BBX: variants seen among roughly 807,000 people sequenced by gnomAD.
BBX encodes the protein BBX high mobility group box domain containing.
BBX carries 30 observed loss-of-function variants against 100.2 expected under a neutral mutation model. The ratio of observed to expected loss-of-function variants is 0.30; its 90% CI spans 0.22 to 0.41. The LOEUF is 0.41. BBX is among the 10% of genes least tolerant of loss of function. BBX has a pLI of 1.00. For missense variants in BBX, 1,023 were observed against 1,129.8 expected (o/e 0.91, Z 1.35); for synonymous variants, 376 against 388.1 (o/e 0.97, Z 0.37).
At chr3:107,674,314 C>T (rs1231036319) in intron 3 of BBX, among the ~76,000 whole-genome samples, 1 of 152,070 alleles carries the variant, frequency 6.6e-6, no homozygotes, top group African/African-American at 2.4e-5. Context: ...TTCTAACACA[C>T]ACATTGTAGG....
At chr3:107,598,522 A>G (rs1425210647) in intron 2 of BBX, among the ~76,000 whole-genome samples, 1 of 152,252 alleles carries the variant, frequency 6.6e-6, no homozygotes, top group African/African-American at 2.4e-5. Context: ...ACAATTGGCC[A>G]CAGTAAGATT....
In BBX at chr3:107,691,921, C is replaced by T. The variant is rs1024432241; in HGVS notation, c.-9-18531C>T. Among the ~76,000 whole-genome samples the T allele has an allele frequency of 2.6e-5, 4 of 152,064 alleles. No individual in the cohort carries two copies. The East Asian group carries it at 7.7e-4, about 29-fold the overall frequency. On this transcript the variant is annotated intron_variant, in intron 3 of 17. Coordinates refer to ENST00000325805, the MANE Select transcript of BBX (RefSeq NM_001142568.3). ...ATAAGAAATACGTATTCTTTTTTTG[C>T]TTTTGAGAAAAATATTTTTGTTTTG...
At chr3:107,775,537 A>G (rs545562511) in intron 12 of BBX, among the ~76,000 whole-genome samples, 1 of 152,290 alleles carries the variant, frequency 6.6e-6, no homozygotes, top group East Asian at 1.9e-4. Flanking sequence ...AAGTATCTGC[A>G]TATTCAGTTA....
chr3:107,635,036 T>C (rs1182375711), intron 2 of BBX, among the ~76,000 whole-genome samples: 2 of 152,346 alleles, frequency 1.3e-5, no homozygotes, highest in Non-Finnish European at 2.9e-5. Flanking sequence ...TAAGTTGATA[T>C]GAGGGATCTA....
chr3:107,770,393 C>CT (rs1399455090), intron 10 of BBX, among the ~76,000 whole-genome samples: 2 of 152,064 alleles, frequency 1.3e-5, no homozygotes, highest in African/African-American at 4.8e-5. Flanking sequence ...CCTTTCTAGC[C>CT]TTTTTTCCAG....
rs577208997 is a variant in BBX at position 107,567,622 on chromosome 3, G to A, written c.-84+41224G>A. Among the ~76,000 whole-genome samples, 8 of 152,016 alleles carry A rather than the reference G, an allele frequency of 5.3e-5. No individual in the cohort carries two copies. In the South Asian group the frequency reaches 1.2e-3, roughly 24 times the overall value. On this transcript the variant is annotated intron_variant, in intron 2 of 17. Coordinates refer to ENST00000325805, the MANE Select transcript of BBX (RefSeq NM_001142568.3). Reference sequence around the variant, plus strand: ...ACATCCCTGAATTTTAAACCTTTACGTGTCATTTTGTTTTAGGTGTATCTT... The same window carrying A: ...ACATCCCTGAATTTTAAACCTTTACATGTCATTTTGTTTTAGGTGTATCTT...
chr3:107,568,272 T>TC (rs2051073313), intron 2 of BBX, among the ~76,000 whole-genome samples: 1 of 150,112 alleles, frequency 6.7e-6, no homozygotes, highest in African/African-American at 2.4e-5. Context: ...GCTATTTTTT[T>TC]TTTTTTTTTT....
intron 10 of BBX, among the ~76,000 whole-genome samples, chr3:107,765,058 C>T (rs987611093): frequency 2.0e-5 from 3 of 152,104 alleles, no homozygotes; most frequent in East Asian, 3.8e-4. Flanking sequence ...GAATATTTTT[C>T]CTCCAATGAT....
intron 2 of BBX, among the ~76,000 whole-genome samples, chr3:107,587,615 G>A (rs2052956076): frequency 6.6e-6 from 1 of 152,148 alleles, no homozygotes; most frequent in African/African-American, 2.4e-5. Context: ...GCATGAATAT[G>A]TGAGTGGGGC....
At chr3:107,572,934 A>T (rs536596387) in intron 2 of BBX, among the ~76,000 whole-genome samples, 1 of 152,312 alleles carries the variant, frequency 6.6e-6, no homozygotes, top group Non-Finnish European at 1.5e-5. Context: ...ATTTTAAGTA[A>T]ATTTCCAACT....
chr3:107,787,285 G>A (rs76619451), intron 13 of BBX, among the ~76,000 whole-genome samples: 3,440 of 152,290 alleles, frequency 0.023, 138 homozygotes, highest in African/African-American at 0.079. Flanking sequence ...GTGAGCCACT[G>A]CACCTGGCCC....
chr3:107,730,787 T>C (rs1187014066), intron 6 of BBX, among the ~76,000 whole-genome samples: 1 of 152,226 alleles, frequency 6.6e-6, no homozygotes, highest in African/African-American at 2.4e-5. Context: ...TTCAGAACTC[T>C]TGATAGGCTT....
intron 9 of BBX, among the ~76,000 whole-genome samples, chr3:107,754,460 C>T (rs1476139881): frequency 6.6e-6 from 1 of 152,068 alleles, no homozygotes; most frequent in Non-Finnish European, 1.5e-5. Context: ...CTGATAACAC[C>T]CAGGAGGAAA....
intron 2 of BBX, among the ~76,000 whole-genome samples, chr3:107,530,011 A>G (rs886638599): frequency 1.2e-4 from 19 of 152,256 alleles, no homozygotes; most frequent in African/African-American, 4.6e-4. Context: ...CAAATGTACC[A>G]AAATGTAAAC....
intron 5 of BBX, among the ~76,000 whole-genome samples, chr3:107,725,249 C>T (rs1240889293): frequency 2.6e-5 from 4 of 152,138 alleles, no homozygotes. Flanking sequence ...AATTTTTGCA[C>T]ATTGATTTTG....
intron 3 of BBX, among the ~76,000 whole-genome samples, chr3:107,681,978 G>C (rs1412787253): frequency 6.6e-6 from 1 of 152,132 alleles, no homozygotes; most frequent in Non-Finnish European, 1.5e-5. Context: ...TACTGATAAA[G>C]CTAACATGAA....
intron 2 of BBX, among the ~76,000 whole-genome samples, chr3:107,625,381 G>A (rs778976852): frequency 2.6e-5 from 4 of 152,098 alleles, no homozygotes; most frequent in Non-Finnish European, 5.9e-5. Flanking sequence ...ACACAGTAGC[G>A]ATTCTCTTGC....
chr3:107,654,657 A>G (rs2058034180), intron 3 of BBX, among the ~76,000 whole-genome samples: 1 of 152,146 alleles, frequency 6.6e-6, no homozygotes, highest in African/African-American at 2.4e-5. Flanking sequence ...ATCTAAATGG[A>G]TCACTTAAAA....
rs192549111 is a variant in BBX, at chr3:107,532,365, G to A, written c.-84+5967G>A. ...AAGAAAGGCATATCAAATTGCAAGT[G>A]AGAATGGTGCTATAATGAAAACTTC... On this transcript the variant is annotated intron_variant, in intron 2 of 17. Coordinates refer to ENST00000325805, the MANE Select transcript of BBX (RefSeq NM_001142568.3). Among the ~76,000 whole-genome samples, 10 of 152,306 alleles carry A rather than the reference G, an allele frequency of 6.6e-5. No individual in the cohort carries two copies. In the East Asian group the frequency reaches 1.7e-3, roughly 26 times the overall value.
Sources: gnomAD v4.1 joint callset for allele counts (sites outside exome capture counted in the v4.1 genomes callset) on GRCh38, gnomAD v4.1.1 for gene constraint, MANE v1.5 for transcripts, NCBI Gene and HGNC (gene_info 2026-07-23, HGNC 2026-07-21) for gene names.